The following DPP10 variants were observed in gnomAD, a reference collection of about 807,000 sequenced individuals.
The protein encoded by DPP10 is dipeptidyl peptidase like 10.
A neutral mutation model predicts 120.9 loss-of-function variants in DPP10; 33 were observed. The observed-to-expected ratio is 0.27, with a 90% CI of 0.21 to 0.37. The LOEUF (loss-of-function observed/expected upper bound fraction) is 0.37. Ranked by LOEUF, DPP10 falls within the 10% of genes least tolerant of loss-of-function variation. The pLI is 1.00. For synonymous variants in DPP10, 337 were observed against 326.1 expected (o/e 1.03, Z -0.36); for missense variants, 816 against 942.8 (o/e 0.87, Z 1.76).
intron 4 of DPP10, among the ~76,000 whole-genome samples, chr2:115,513,501 T>C (rs752710418): frequency 1.9e-4 from 29 of 151,962 alleles, no homozygotes; most frequent in Non-Finnish European, 4.1e-4. Context: ...TTTTCTGCTG[T>C]ATCTTTTATA....
chr2:115,381,624 A>G (rs1444023396), intron 3 of DPP10, among the ~76,000 whole-genome samples: 11 of 152,096 alleles, frequency 7.2e-5, no homozygotes, highest in South Asian at 4.2e-4. Context: ...AGGAGGAGAG[A>G]CGCTCTGCTT....
At chr2:115,640,398 C>T (rs1188551352) in intron 5 of DPP10, among the ~76,000 whole-genome samples, 1 of 150,970 alleles carries the variant, frequency 6.6e-6, no homozygotes, top group African/African-American at 2.4e-5. Context: ...TGACCTCTTC[C>T]ATCTTTATGT....
rs890841485 is a variant in DPP10 at position 115,727,229 on chromosome 2, G to A, written c.577-587G>A. ...CAGTTATAAGGTTATTATTATTGCC[G>A]TACTATTTACAAAAGAGTTGCCAAG... is the stretch of plus-strand genomic sequence containing the variant. On this transcript the variant is annotated intron_variant, in intron 7 of 25. Transcript: ENST00000410059. 6.6e-5 allele frequency among the ~76,000 whole-genome samples: 10 copies of A among 151,984 alleles called. No homozygotes were observed. The South Asian group carries it at 8.3e-4, about 13-fold the overall frequency.
At chr2:115,753,816 ACT>A (rs1156438921) in intron 11 of DPP10, among the ~76,000 whole-genome samples, 8 of 152,058 alleles carry the variant, frequency 5.3e-5, no homozygotes, top group Admixed American at 5.2e-4. Flanking sequence ...GTTTTTGTAA[ACT>A]CTGTGGTAAA....
chr2:115,389,417 A>G (rs1346084273), intron 3 of DPP10, among the ~76,000 whole-genome samples: 1 of 152,116 alleles, frequency 6.6e-6, no homozygotes, highest in South Asian at 2.1e-4. Flanking sequence ...TTGTATATTA[A>G]TTTGTTTAAT....
At chr2:114,956,887 A>G (rs1284249231) in intron 1 of DPP10, among the ~76,000 whole-genome samples, 1 of 151,864 alleles carries the variant, frequency 6.6e-6, no homozygotes, top group Non-Finnish European at 1.5e-5. Context: ...AAAGCTGGAG[A>G]TGAAAATGAA....
chr2:115,595,052 A>G (rs1385988321), intron 5 of DPP10, among the ~76,000 whole-genome samples: 1 of 152,172 alleles, frequency 6.6e-6, no homozygotes, highest in African/African-American at 2.4e-5. Flanking sequence ...TAAAAAGCTA[A>G]TGAGGTCAAA....
In DPP10 at chr2:114,823,841, C is replaced by G. The variant is rs56212166; in HGVS notation, c.60+381003C>G. Among the ~76,000 whole-genome samples the G allele has an allele frequency of 9.9e-4, 151 of 152,326 alleles. 1 individual carries two copies. The highest frequency in any genetic ancestry group is 1.9e-3 in the Non-Finnish European group (127 of 68,036). ...CATTCTCTCTGTTGTTCTCTGTTCT[C>G]TTACCAGTGTCCCCCATTAGCTGAA... On this transcript the variant is annotated intron_variant, in intron 1 of 25. Transcript: ENST00000410059.
chr2:114,950,611 T>C (rs898097222), intron 1 of DPP10, among the ~76,000 whole-genome samples: 10 of 152,018 alleles, frequency 6.6e-5, no homozygotes, highest in Non-Finnish European at 1.5e-5. Context: ...TAGATTCTAA[T>C]AGCTGTACAA....
intron 1 of DPP10, among the ~76,000 whole-genome samples, chr2:114,525,922 C>G (rs1685462388): frequency 6.6e-6 from 1 of 152,190 alleles, no homozygotes; most frequent in Non-Finnish European, 1.5e-5. Context: ...AACTCCTAAA[C>G]AGTAGCTCTT....
At chr2:115,673,821 C>G (rs919507240) in intron 5 of DPP10, among the ~76,000 whole-genome samples, 4 of 152,160 alleles carry the variant, frequency 2.6e-5, no homozygotes, top group African/African-American at 9.7e-5. Flanking sequence ...AAAAATGTCT[C>G]TCTTCAGATG....
At chr2:114,795,420 G>C (rs968175356) in intron 1 of DPP10, among the ~76,000 whole-genome samples, 1 of 152,094 alleles carries the variant, frequency 6.6e-6, no homozygotes, top group African/African-American at 2.4e-5. Context: ...GAACCTGGGA[G>C]GTGGAGGTTT....
intron 3 of DPP10, among the ~76,000 whole-genome samples, chr2:115,382,906 A>G (rs1193319310): frequency 2.0e-5 from 3 of 152,224 alleles, no homozygotes; most frequent in Non-Finnish European, 4.4e-5. Flanking sequence ...GAGGGAAGTC[A>G]GAGAACGCTG....
intron 1 of DPP10, among the ~76,000 whole-genome samples, chr2:114,584,589 C>T (rs1179749894): frequency 1.5e-5 from 2 of 131,934 alleles, no homozygotes; most frequent in African/African-American, 2.9e-5. Context: ...TGTTCCCCTT[C>T]CTGTGTCCAT....
intron 1 of DPP10, among the ~76,000 whole-genome samples, chr2:115,112,635 T>C (rs1414256961): frequency 1.3e-5 from 2 of 152,182 alleles, no homozygotes; most frequent in Admixed American, 1.3e-4. Context: ...CTGCATGATC[T>C]CACTTATATG....
intron 1 of DPP10, among the ~76,000 whole-genome samples, chr2:114,752,274 G>T (rs76278821): frequency 0.02 from 3,078 of 152,224 alleles, 127 homozygotes; most frequent in African/African-American, 0.07. Context: ...GATGGGAGTC[G>T]AAAGATAATC....
chr2:115,780,918 A>G lies in DPP10; in HGVS notation c.1406A>G (p.Asn469Ser), dbSNP rs1682684998. The change falls in exon 16 of 26, where the codon AAT becomes AGT. Residue 469 changes from asparagine (N) to serine (S), a missense_variant. By Grantham distance (46) the Asn-to-Ser change is conservative. This residue lies in a region of DPP10 where 592 missense variants were observed against 649.0 expected (regional missense o/e 0.91). Coordinates refer to ENST00000410059, the MANE Select transcript of DPP10 (RefSeq NM_020868.6). ...GLLNRQCISC[N>S]FMKEQCTYFD... ...TTGAATCGCCAATGCATTTCATGTAATTTCATGAAAGAACAATGTACATAT... is the reference window on the plus strand; with the variant it reads ...TTGAATCGCCAATGCATTTCATGTAGTTTCATGAAAGAACAATGTACATAT... 3 of 1,604,764 alleles carry G rather than the reference A, an allele frequency of 1.9e-6. No individual in the cohort carries two copies. In the African/African-American group the frequency reaches 4.0e-5, roughly 21 times the overall value.
At chr2:115,277,447 CTTTTTTTTTTTT>C (rs70941038) in intron 1 of DPP10, among the ~76,000 whole-genome samples, 17 of 49,742 alleles carry the variant, frequency 3.4e-4, no homozygotes, top group Non-Finnish European at 4.8e-4. Flanking sequence ...CTGCCAGGGC[CTTTTTTTTTTTT>C]TTTTTTTTTT....
In DPP10 at chr2:114,958,292, G is replaced by T. The variant is rs761879396; in HGVS notation, c.61-350947G>T. On this transcript the variant is annotated intron_variant, in intron 1 of 25. Transcript: ENST00000410059. ...TGGCCAAGACGCAGTATTGTTACAG[G>T]AACATACTCTTGAGTTAGGTTTTCA... Among the ~76,000 whole-genome samples, 147 of 152,222 alleles carry T rather than the reference G, an allele frequency of 9.7e-4. 1 individual carries two copies. Among genetic ancestry groups the T allele is most frequent in the Admixed American group, 4.6e-4 (7 of 15,284 alleles).
Sources: allele counts gnomAD v4.1 joint callset (sites outside exome capture counted in the v4.1 genomes callset), GRCh38; gene constraint gnomAD v4.1.1; regional missense constraint gnomAD v4.1.1; transcripts MANE v1.5; gene names NCBI Gene and HGNC (gene_info 2026-07-23, HGNC 2026-07-21).